ZFAND3: variants seen among roughly 807,000 people sequenced by gnomAD.
The protein encoded by ZFAND3 is AN1-type zinc finger protein 3.
In ZFAND3, 10 loss-of-function variants were observed where a neutral mutation model predicts 29.6. The observed-to-expected ratio is 0.34, with a 90% CI of 0.21 to 0.57. The LOEUF is 0.57. Ranked by LOEUF, ZFAND3 falls within the 20% of genes least tolerant of loss-of-function variation. The pLI, the probability that ZFAND3 is intolerant of heterozygous loss-of-function variation, is 0.86. For synonymous variants in ZFAND3, 128 were observed against 112.6 expected, an observed-to-expected ratio of 1.14 and a Z score of -0.87; for missense variants, 230 against 304.5, an observed-to-expected ratio of 0.76 and a Z score of 1.82.
At chr6:37,867,109 G>A (rs767492400) in intron 1 of ZFAND3, among the ~76,000 whole-genome samples, 5 of 152,306 alleles carry the variant, frequency 3.3e-5, no homozygotes, top group Middle Eastern at 3.4e-3. Flanking sequence ...GAGTGGCAAA[G>A]CTAGTTTAAA....
At chr6:37,923,018 A>G (rs1761411750) in intron 1 of ZFAND3, among the ~76,000 whole-genome samples, 1 of 152,242 alleles carries the variant, frequency 6.6e-6, no homozygotes, top group South Asian at 2.1e-4. Context: ...CTTTAAAAAA[A>G]TTTTAAACTG....
At chr6:37,887,322 A>C (rs1422198302) in intron 1 of ZFAND3, among the ~76,000 whole-genome samples, 1 of 152,230 alleles carries the variant, frequency 6.6e-6, no homozygotes, top group Non-Finnish European at 1.5e-5. Flanking sequence ...AAGAATTTGT[A>C]TTAAATATGT....
At chr6:38,093,657 G>T (rs936299306) in intron 4 of ZFAND3, among the ~76,000 whole-genome samples, 1 of 152,120 alleles carries the variant, frequency 6.6e-6, no homozygotes, top group Non-Finnish European at 1.5e-5. Flanking sequence ...ACTAAGGAAA[G>T]CTATGGCCAT....
chr6:37,945,323 A>G lies in ZFAND3; in HGVS notation c.112+15324A>G, dbSNP rs945913654. Among the ~76,000 whole-genome samples the G allele has an allele frequency of 2.6e-5, 4 of 152,120 alleles. No homozygotes were observed. The East Asian group carries it at 5.8e-4, about 22-fold the overall frequency. ...TGTCTCAGGGCTTGGGGGAAACTAT[A>G]TGGTATTCTGGAAAAATACCACGTG... On this transcript the variant is annotated intron_variant, in intron 2 of 5. Transcript: ENST00000287218.
chr6:37,972,484 T>C (rs1762406634), intron 2 of ZFAND3, among the ~76,000 whole-genome samples: 5 of 152,214 alleles, frequency 3.3e-5, no homozygotes, highest in Non-Finnish European at 5.9e-5. Context: ...TTTTGGACTC[T>C]TGTAGGTATA....
At chr6:37,936,715 T>A (rs1160228080) in intron 2 of ZFAND3, among the ~76,000 whole-genome samples, 2 of 152,210 alleles carry the variant, frequency 1.3e-5, no homozygotes, top group Non-Finnish European at 2.9e-5. Context: ...AATTTTAATT[T>A]TGTCTGTGTT....
intron 2 of ZFAND3, among the ~76,000 whole-genome samples, chr6:37,975,638 A>T (rs1762464904): frequency 6.6e-6 from 1 of 152,316 alleles, no homozygotes; most frequent in African/African-American, 2.4e-5. Flanking sequence ...CCAGTAGTTG[A>T]AAAGGCTATC....
chr6:38,031,147 CTACG>C (rs1763551687), intron 2 of ZFAND3, among the ~76,000 whole-genome samples: 1 of 152,162 alleles, frequency 6.6e-6, no homozygotes, highest in Non-Finnish European at 1.5e-5. Context: ...GCTTTTTTCA[CTACG>C]TAGTTTTTTG....
Position 37,875,272 on chromosome 6 carries a change from A to G in ZFAND3, c.72-54687A>G, listed in dbSNP as rs115897860. Among the ~76,000 whole-genome samples, 469 of 152,326 alleles carry G rather than the reference A, an allele frequency of 3.1e-3. 3 individuals are homozygous for G. The highest frequency in any genetic ancestry group is 0.011 in the African/African-American group (446 of 41,568). On this transcript the variant is annotated intron_variant, in intron 1 of 5. Coordinates refer to ENST00000287218, the MANE Select transcript of ZFAND3 (RefSeq NM_021943.3). ...GTGGATTGGAGTTGCAATGTAATAA[A>G]AGAAGGCTTGGAAAGTGATTTGAAA...
chr6:38,078,003 G>GT (rs1764587240), intron 3 of ZFAND3, among the ~76,000 whole-genome samples: 1 of 152,168 alleles, frequency 6.6e-6, no homozygotes, highest in South Asian at 2.1e-4. Flanking sequence ...TGTGTTGATA[G>GT]TTAATGGGGT....
chr6:38,036,747 A>G (rs556370178), intron 2 of ZFAND3, among the ~76,000 whole-genome samples: 1 of 152,276 alleles, frequency 6.6e-6, no homozygotes, highest in East Asian at 1.9e-4. Context: ...TACTAAATAT[A>G]TGAGTATATA....
intron 1 of ZFAND3, among the ~76,000 whole-genome samples, chr6:37,827,074 T>TA (rs560497320): frequency 3.9e-4 from 60 of 152,362 alleles, no homozygotes; most frequent in African/African-American, 1.3e-3. Flanking sequence ...CTTTTTTTCT[T>TA]ACATTCTGAA....
At chr6:37,958,191 C>T (rs180892791) in intron 2 of ZFAND3, among the ~76,000 whole-genome samples, 234 of 152,286 alleles carry the variant, frequency 1.5e-3, no homozygotes, top group African/African-American at 5.1e-3. Flanking sequence ...TGATGGCTCA[C>T]GCCTGTAATG....
At chr6:37,945,491 G>A (rs1644515267) in intron 2 of ZFAND3, among the ~76,000 whole-genome samples, 1 of 152,088 alleles carries the variant, frequency 6.6e-6, no homozygotes, top group Non-Finnish European at 1.5e-5. Flanking sequence ...TGCCTCTCCG[G>A]TTCAAACAGT....
At chr6:38,098,318 T>C (rs1209648160) in intron 4 of ZFAND3, among the ~76,000 whole-genome samples, 4 of 152,148 alleles carry the variant, frequency 2.6e-5, no homozygotes, top group Non-Finnish European at 1.5e-5. Flanking sequence ...GGCTAATTTT[T>C]GTATTTTTAG....
intron 2 of ZFAND3, among the ~76,000 whole-genome samples, chr6:38,001,935 ATATAT>A (rs1199717887): frequency 6.6e-6 from 1 of 152,046 alleles, no homozygotes; most frequent in African/African-American, 2.4e-5. Flanking sequence ...CTAAATATTG[ATATAT>A]TAGGTGAATA....
At chr6:37,931,193 A>G (rs1319081554) in intron 2 of ZFAND3, among the ~76,000 whole-genome samples, 1 of 152,182 alleles carries the variant, frequency 6.6e-6, no homozygotes, top group Non-Finnish European at 1.5e-5. Flanking sequence ...GTACAGCTCA[A>G]AGGGACAGAG....
At chr6:37,910,760 C>A (rs1581754119) in intron 1 of ZFAND3, among the ~76,000 whole-genome samples, 1 of 152,108 alleles carries the variant, frequency 6.6e-6, no homozygotes, top group African/African-American at 2.4e-5. Context: ...GTGAGTTGGA[C>A]TCTTTTACAT....
intron 1 of ZFAND3, among the ~76,000 whole-genome samples, chr6:37,821,466 G>A (rs1235080275): frequency 1.3e-5 from 2 of 152,212 alleles, no homozygotes; most frequent in Non-Finnish European, 2.9e-5. Flanking sequence ...CAAGAATCTT[G>A]CGAGGTAGGA....
Sources: gnomAD v4.1 joint callset for allele counts (sites outside exome capture counted in the v4.1 genomes callset) on GRCh38, gnomAD v4.1.1 for gene constraint, MANE v1.5 for transcripts, NCBI Gene and HGNC (gene_info 2026-07-23, HGNC 2026-07-21) for gene names.